The following DLG2 variants were observed in gnomAD, a reference collection of about 807,000 sequenced individuals.
DLG2 encodes the protein disks large homolog 2.
A neutral mutation model predicts 132.5 loss-of-function variants in DLG2; 45 were observed. The ratio of observed to expected loss-of-function variants is 0.34; its 90% CI spans 0.27 to 0.44. The LOEUF is 0.44. DLG2 is among the 20% of genes least tolerant of loss of function. DLG2 has a pLI of 1.00. For synonymous variants in DLG2, 424 were observed against 419.6 expected, an observed-to-expected ratio of 1.01 and a Z score of -0.13; for missense variants, 1,045 against 1,196.9, an observed-to-expected ratio of 0.87 and a Z score of 1.87.
At chr11:84,043,505 A>G (rs144078210) in intron 11 of DLG2, among the ~76,000 whole-genome samples, 70 of 151,860 alleles carry the variant, frequency 4.6e-4, no homozygotes, top group African/African-American at 1.7e-3. Flanking sequence ...GGTACTCAAC[A>G]GTTATCTTTT....
intron 16 of DLG2, among the ~76,000 whole-genome samples, chr11:83,849,859 G>A (rs1192094793): frequency 5.3e-5 from 8 of 151,540 alleles, no homozygotes; most frequent in South Asian, 2.1e-4. Flanking sequence ...TACTGTAAAT[G>A]AACTCCCTTT....
chr11:83,902,784 G>C (rs1455478723), intron 15 of DLG2, among the ~76,000 whole-genome samples: 2 of 152,112 alleles, frequency 1.3e-5, no homozygotes, highest in East Asian at 1.9e-4. Context: ...TCAGTTTCCT[G>C]CCCCTGAGGA....
At chr11:84,507,310 A>G (rs1022549673) in intron 7 of DLG2, among the ~76,000 whole-genome samples, 2 of 152,204 alleles carry the variant, frequency 1.3e-5, no homozygotes, top group Admixed American at 1.3e-4. Context: ...AAATATAAAT[A>G]AATAATGTGT....
intron 3 of DLG2, among the ~76,000 whole-genome samples, chr11:85,442,128 A>G (rs903173824): frequency 1.3e-5 from 2 of 152,234 alleles, no homozygotes; most frequent in African/African-American, 4.8e-5. Flanking sequence ...AGAATATATT[A>G]TGTATATCTT....
chr11:84,806,376 T>C (rs1410809471), intron 6 of DLG2, among the ~76,000 whole-genome samples: 5 of 152,074 alleles, frequency 3.3e-5, no homozygotes, highest in African/African-American at 1.2e-4. Context: ...GTGCAGGCAA[T>C]GATACATTAT....
In DLG2 at chr11:84,725,793, GT is replaced by G. The variant is rs529870885; in HGVS notation, c.358-191063del. Among the ~76,000 whole-genome samples, 4 of 151,468 alleles carry G rather than the reference GT, an allele frequency of 2.6e-5. No individual in the cohort carries two copies. In the East Asian group the frequency reaches 7.8e-4, roughly 30 times the overall value. On this transcript the variant is annotated intron_variant, in intron 6 of 27. Coordinates refer to ENST00000376104, the MANE Select transcript of DLG2 (RefSeq NM_001142699.3). ...GCAAAATGCCTGTCATCTTTATCTG[GT>G]TTGTATTAGCCACTCAGTAAATTAT... is the stretch of plus-strand genomic sequence containing the variant.
At chr11:84,499,665 G>A (rs755728253) in intron 7 of DLG2, among the ~76,000 whole-genome samples, 1 of 151,996 alleles carries the variant, frequency 6.6e-6, no homozygotes, top group East Asian at 1.9e-4. Flanking sequence ...TATTTGCCAG[G>A]TTAGCAGATC....
chr11:85,159,352 T>A (rs1421518656), intron 4 of DLG2, among the ~76,000 whole-genome samples: 1 of 152,198 alleles, frequency 6.6e-6, no homozygotes, highest in African/African-American at 2.4e-5. Flanking sequence ...AACCTCCACA[T>A]TGGCTCCATG....
intron 6 of DLG2, among the ~76,000 whole-genome samples, chr11:84,535,385 AT>A (rs1012536120): frequency 4.6e-5 from 7 of 152,362 alleles, no homozygotes; most frequent in Admixed American, 2.0e-4. Flanking sequence ...AACTTTAAAA[AT>A]CAAGGCAAGT....
In DLG2 at chr11:85,485,529, T is replaced by C. The variant is rs115757466; in HGVS notation, c.40+113128A>G. Among the ~76,000 whole-genome samples, 299 of 152,166 alleles carry C rather than the reference T, an allele frequency of 2.0e-3. 3 individuals are homozygous for C. Among genetic ancestry groups the C allele is most frequent in the African/African-American group, 6.8e-3 (281 of 41,492 alleles). On this transcript the variant is annotated intron_variant, in intron 3 of 27. Transcript: ENST00000376104. ...TTGAATAGATCATCTAAGAGAGACTTAGATTCAACAAAGAAGTGATGAGAA... is the reference window on the plus strand; with the variant it reads ...TTGAATAGATCATCTAAGAGAGACTCAGATTCAACAAAGAAGTGATGAGAA...
intron 11 of DLG2, among the ~76,000 whole-genome samples, chr11:84,023,489 C>T (rs2095454767): frequency 6.6e-6 from 1 of 152,212 alleles, no homozygotes; most frequent in Non-Finnish European, 1.5e-5. Flanking sequence ...AGGATTTGAA[C>T]CTAGATTTAC....
intron 7 of DLG2, among the ~76,000 whole-genome samples, chr11:84,357,764 C>T (rs985239403): frequency 8.6e-5 from 13 of 151,624 alleles, no homozygotes; most frequent in Admixed American, 7.9e-4. Flanking sequence ...CAAATTATTA[C>T]TAGTGAAAGT....
chr11:84,872,945 T>C (rs1566223306), intron 6 of DLG2, among the ~76,000 whole-genome samples: 1 of 152,216 alleles, frequency 6.6e-6, no homozygotes, highest in African/African-American at 2.4e-5. Context: ...TACAAATTTT[T>C]GTTTCTGGAC....
intron 18 of DLG2, among the ~76,000 whole-genome samples, chr11:83,634,180 G>A (rs2064194627): frequency 6.6e-6 from 1 of 151,934 alleles, no homozygotes; most frequent in Admixed American, 6.6e-5. Context: ...CTATAGCTTT[G>A]CCCACATGCC....
intron 10 of DLG2, among the ~76,000 whole-genome samples, chr11:84,060,978 T>A (rs2096582614): frequency 6.6e-6 from 1 of 152,184 alleles, no homozygotes; most frequent in Admixed American, 6.5e-5. Flanking sequence ...TTGTTACCTT[T>A]CAATCCATTC....
chr11:83,501,083 T>G (rs987869616), intron 21 of DLG2, among the ~76,000 whole-genome samples: 1 of 152,124 alleles, frequency 6.6e-6, no homozygotes, highest in African/African-American at 2.4e-5. Context: ...TCTCACCAAT[T>G]GGACATGTTG....
chr11:84,795,058 A>G (rs1042175746), intron 6 of DLG2, among the ~76,000 whole-genome samples: 3 of 152,220 alleles, frequency 2.0e-5, no homozygotes, highest in Admixed American at 6.5e-5. Flanking sequence ...TACCAGTTCC[A>G]TGGACAAGAG....
chr11:83,663,631 G>A (rs560973611), intron 18 of DLG2, among the ~76,000 whole-genome samples: 4 of 152,258 alleles, frequency 2.6e-5, no homozygotes, highest in South Asian at 4.1e-4. Flanking sequence ...GTTTTGTTCC[G>A]CCAGACATTC....
chr11:83,786,821 G>C, intron 17 of DLG2, 29 bp from the exon 18 acceptor site: 1 of 1,603,130 alleles, frequency 6.2e-7, no homozygotes, highest in Non-Finnish European at 8.5e-7. Context: ...GAGAATCTTG[G>C]TATTTCATAA....
Sources: gnomAD v4.1 joint callset for allele counts (sites outside exome capture counted in the v4.1 genomes callset) on GRCh38, gnomAD v4.1.1 for gene constraint, MANE v1.5 for transcripts, NCBI Gene and HGNC (gene_info 2026-07-23, HGNC 2026-07-21) for gene names.